BTN2A1: variants seen among roughly 807,000 people sequenced by gnomAD.
The protein encoded by BTN2A1 is butyrophilin, subfamily 2, member A1.
A neutral mutation model predicts 34.5 loss-of-function variants in BTN2A1; 41 were observed. The observed-to-expected ratio is 1.19, with a 90% CI of 0.93 to 1.54. The LOEUF is 1.54. BTN2A1 is among the 40% of genes most tolerant of loss of function. BTN2A1 has a pLI of 0.00. For synonymous variants in BTN2A1, 267 were observed against 258.6 expected (o/e 1.03, Z -0.31); for missense variants, 642 against 662.0 (o/e 0.97, Z 0.33).
downstream of BTN2A1, among the ~76,000 whole-genome samples, chr6:26,472,460 T>C (rs555818926): frequency 5.3e-5 from 8 of 152,362 alleles, no homozygotes; most frequent in African/African-American, 1.9e-4. Context: ...TATCATTTTC[T>C]ACCAGCCAAG....
chr6:26,465,467 C>A, intron 5 of BTN2A1, 61 bp downstream of exon 5: 2 of 1,513,288 alleles, frequency 1.3e-6, no homozygotes, highest in Non-Finnish European at 9.1e-7. Flanking sequence ...GAGGCTGAGG[C>A]AGGCAGATCA....
rs774915317 is a variant in BTN2A1 at position 26,459,838 on chromosome 6, T to C, written c.430+10T>C. The C allele has an allele frequency of 6.2e-7, 1 of 1,605,118 alleles. No homozygotes were observed. Among genetic ancestry groups the C allele is most frequent in the South Asian group, 1.1e-5 (1 of 90,332 alleles). On this transcript the variant is annotated intron_variant, in intron 3 of 7. Transcript: ENST00000312541. ...CACCTCGTAGTGGCAGGTGCGTCGCTTCATTTTGCTTTGTTACTTTGGCAC... is the reference window on the plus strand; with the variant it reads ...CACCTCGTAGTGGCAGGTGCGTCGCCTCATTTTGCTTTGTTACTTTGGCAC...
At chr6:26,464,724 G>C (rs1262766455) in intron 4 of BTN2A1, among the ~76,000 whole-genome samples, 1 of 152,192 alleles carries the variant, frequency 6.6e-6, no homozygotes. Context: ...ATTAAACATG[G>C]CATTGTAAGC....
intron 7 of BTN2A1, among the ~76,000 whole-genome samples, chr6:26,475,657 C>T (rs889480638): frequency 4.1e-4 from 63 of 152,198 alleles, no homozygotes; most frequent in Non-Finnish European, 8.5e-4. Flanking sequence ...CCTGTAATTT[C>T]AGCACTTTGA....
chr6:26,466,037 A>G, intron 6 of BTN2A1, 25 bp from the exon 7 acceptor site: 1 of 1,614,202 alleles, frequency 6.2e-7, no homozygotes, highest in Non-Finnish European at 8.5e-7. Context: ...ATCTCATGAC[A>G]TTCGTCTCTG....
At chr6:26,474,037 T>C (rs1763498007), downstream of BTN2A1, among the ~76,000 whole-genome samples, 2 of 152,228 alleles carry the variant, frequency 1.3e-5, no homozygotes, top group African/African-American at 4.8e-5. Context: ...GATCAGAGAA[T>C]CTTAACTAAA....
At chr6:26,467,662 A>G in intron 7 of BTN2A1, 1 of 1,498,238 alleles carries the variant, frequency 6.7e-7, no homozygotes, top group South Asian at 1.3e-5. Flanking sequence ...GAATGCTGAG[A>G]GAAAGTATAA....
chr6:26,460,341 A>G (rs572242112), intron 3 of BTN2A1, among the ~76,000 whole-genome samples: 10 of 152,196 alleles, frequency 6.6e-5, no homozygotes, highest in Non-Finnish European at 1.5e-5. Flanking sequence ...TTATTTCTTG[A>G]TAAATATTAA....
intron 7 of BTN2A1, among the ~76,000 whole-genome samples, chr6:26,466,358 T>G (rs558223169): frequency 2.0e-4 from 30 of 152,324 alleles, no homozygotes; most frequent in African/African-American, 7.2e-4. Context: ...GTCCCATATA[T>G]AGTAGCCTTC....
chr6:26,462,979 T>C, intron 3 of BTN2A1: 2 of 1,116,014 alleles, frequency 1.8e-6, no homozygotes, highest in Non-Finnish European at 2.4e-6. Context: ...ATGGGGCCTA[T>C]AGGTGGACCG....
intron 7 of BTN2A1, among the ~76,000 whole-genome samples, chr6:26,474,704 T>G (rs1763508477): frequency 6.6e-6 from 1 of 151,760 alleles, no homozygotes; most frequent in Non-Finnish European, 1.5e-5. Flanking sequence ...TAGAGAAACC[T>G]TCCAACTGCA....
chr6:26,463,323 G>A lies in BTN2A1; in HGVS notation c.510G>A (p.Trp170Ter), dbSNP rs919237554. The change falls in exon 4 of 8, where the codon TGG becomes TGA. Residue 170 changes from tryptophan (W) to a stop codon, truncating the protein, a stop_gained. Transcript: ENST00000312541. LOFTEE classifies it high-confidence loss of function. Reference protein sequence around the residue: ...GIRLECISRGWYPKPLTVWRD... With the variant: ...GIRLECISRG ...GGCTGGAGTGCATATCTAGAGGGTG[G>A]TACCCAAAGCCCCTCACAGTGTGGA... 1.9e-6 allele frequency: 3 copies of A among 1,614,000 alleles called. No homozygotes were observed. Among genetic ancestry groups the A allele is most frequent in the Non-Finnish European group, 1.7e-6 (2 of 1,179,986 alleles).
Position 26,463,309 on chromosome 6 carries a change from A to C in BTN2A1, c.496A>C (p.Ile166Leu), listed in dbSNP as rs1305818140. Reference protein sequence around the residue: ...HEDGGIRLECISRGWYPKPLT... With the variant: ...HEDGGIRLECLSRGWYPKPLT... ...AGACGGGGGCATCCGGCTGGAGTGC[A>C]TATCTAGAGGGTGGTACCCAAAGCC... The change falls in exon 4 of 8, where the codon ATA (isoleucine) becomes CTA (leucine). Residue 166 changes from isoleucine (I) to leucine (L), a missense_variant. Ile to Leu is a conservative substitution (Grantham distance 5, BLOSUM62 2). Transcript: ENST00000312541. The C allele has an allele frequency of 1.9e-6, 3 of 1,613,864 alleles. No individual in the cohort carries two copies. The highest frequency in any genetic ancestry group is 1.7e-5 in the Admixed American group (1 of 59,992).
chr6:26,469,135 G>T lies in BTN2A1; in HGVS notation c.*586G>T, dbSNP rs370869280. ...CACCCAGCCCCAGGATTTCCAGAGC[G>T]CACATCCACAGGCCTGGACCTGGGA... On this transcript the variant is annotated 3_prime_UTR_variant, in exon 8 of 8. Coordinates refer to ENST00000312541, the MANE Select transcript of BTN2A1 (RefSeq NM_007049.5). The T allele has an allele frequency of 7.3e-6, 8 of 1,095,826 alleles. No individual in the cohort carries two copies. The Admixed American group carries it at 1.9e-4, about 26-fold the overall frequency. The allele number at this position is 1,095,826 out of a possible 1,614,324, so 67.9% of individuals were successfully genotyped here. A position where few individuals can be genotyped will look rare whatever the true frequency, so the allele number is the denominator to read the frequency against.
Position 26,468,174 on chromosome 6 carries a change from T to A in BTN2A1, c.1209T>A (p.Cys403Ter). ...ENVIEWTVGV[C>*]RDSVERKGEV... ...TGATTGAGTGGACTGTGGGGGTCTG[T>A]AGAGACAGTGTTGAGAGGAAAGGGG... is the stretch of plus-strand genomic sequence containing the variant. The change falls in exon 8 of 8, where the codon TGT becomes TGA. Residue 403 changes from cysteine (C) to a stop codon, truncating the protein, a stop_gained. Transcript: ENST00000312541. LOFTEE classifies it low-confidence loss of function (END_TRUNC). 1 of 1,614,086 alleles carries A rather than the reference T, an allele frequency of 6.2e-7. No individual in the cohort carries two copies. Among genetic ancestry groups the A allele is most frequent in the Non-Finnish European group, 8.5e-7 (1 of 1,180,002 alleles).
Position 26,469,259 on chromosome 6 carries a change from A to G in BTN2A1, c.*710A>G, listed in dbSNP as rs374601521. The G allele has an allele frequency of 3.3e-5, 33 of 997,568 alleles. No individual in the cohort carries two copies. The East Asian group carries it at 9.5e-4, about 29-fold the overall frequency. The allele number at this position is 997,568 out of a possible 1,614,324, so 61.8% of individuals were successfully genotyped here. A position where few individuals can be genotyped will look rare whatever the true frequency, so the allele number is the denominator to read the frequency against. ...AGTACTCAGTCCCTGAGTGTGGCTG[A>G]AATTTGAGGTCCTGGCTGAGCCAAG... On this transcript the variant is annotated 3_prime_UTR_variant, in exon 8 of 8. Coordinates refer to ENST00000312541, the MANE Select transcript of BTN2A1 (RefSeq NM_007049.5).
chr6:26,463,004 C>T (rs1763205529), intron 3 of BTN2A1: 1 of 977,726 alleles, frequency 1.0e-6, no homozygotes, highest in Non-Finnish European at 1.4e-6. Context: ...GAAAAGGGTG[C>T]AATGGGATCC....
downstream of BTN2A1, among the ~76,000 whole-genome samples, chr6:26,470,025 A>T (rs1236686767): frequency 6.6e-6 from 1 of 152,000 alleles, no homozygotes; most frequent in Non-Finnish European, 1.5e-5. Flanking sequence ...ACTCCAGCCT[A>T]GGCAACAGAG....
In BTN2A1 at chr6:26,468,816, G is replaced by A; in HGVS notation, c.*267G>A. 1 of 1,560,276 alleles carries A rather than the reference G, an allele frequency of 6.4e-7. No individual in the cohort carries two copies. ...TTGTTACACAGCTCCCAGCCAAGAA[G>A]AAAGTGTGAGAAGTTGATGGGCAGC... On this transcript the variant is annotated 3_prime_UTR_variant, in exon 8 of 8. Coordinates refer to ENST00000312541, the MANE Select transcript of BTN2A1 (RefSeq NM_007049.5).
Sources: gnomAD v4.1 joint callset for allele counts (sites outside exome capture counted in the v4.1 genomes callset) on GRCh38, gnomAD v4.1.1 for gene constraint, MANE v1.5 for transcripts, NCBI Gene and HGNC (gene_info 2026-07-23, HGNC 2026-07-21) for gene names.